Variants in CATSPERD observed in about 807,000 individuals in gnomAD.
CATSPERD encodes the protein cation channel sperm-associated auxiliary subunit delta.
CATSPERD carries 86 observed loss-of-function variants against 98.1 expected under a neutral mutation model. The observed-to-expected ratio is 0.88, with a 90% confidence interval of 0.74 to 1.05. The LOEUF is 1.05. Ranked by LOEUF, CATSPERD falls within the 50% of genes least tolerant of loss-of-function variation. The pLI is 0.00. For missense variants in CATSPERD, 995 were observed against 1,005.7 expected (o/e 0.99, Z 0.14); for synonymous variants, 394 against 390.2 (o/e 1.01, Z -0.12).
intron 16 of CATSPERD, among the ~76,000 whole-genome samples, chr19:5,763,993 C>G (rs1330731944): frequency 6.6e-6 from 1 of 151,392 alleles, no homozygotes; most frequent in Non-Finnish European, 1.5e-5. Context: ...GGATTACAAG[C>G]ATGTGCCACC....
At chr19:5,752,108 A>G (rs537681708) in intron 12 of CATSPERD, among the ~76,000 whole-genome samples, 81 of 152,274 alleles carry the variant, frequency 5.3e-4, no homozygotes, top group African/African-American at 1.8e-3. Context: ...CAGGAGTTCC[A>G]GACCAGCCTG....
Position 5,776,091 on chromosome 19 carries a change from A to G in CATSPERD, c.1942-70A>G, listed in dbSNP as rs370359250. On this transcript the variant is annotated intron_variant, in intron 20 of 21. Transcript: ENST00000381624. ...ACTGGGGTGGGTGCAGGGCCTCCGCAGGGAGGAGGGAGGCTCAGGGCCCCC... is the reference window on the plus strand; with the variant it reads ...ACTGGGGTGGGTGCAGGGCCTCCGCGGGGAGGAGGGAGGCTCAGGGCCCCC... The G allele has an allele frequency of 5.7e-5, 88 of 1,533,126 alleles. No homozygotes were observed. In the African/African-American group the frequency reaches 9.7e-4, roughly 17 times the overall value. The allele number at this position is 1,533,126 out of a possible 1,614,324, so 95.0% of individuals were successfully genotyped here.
chr19:5,759,060 T>C, intron 14 of CATSPERD, 26 bp from the exon 15 acceptor site: 1 of 1,611,072 alleles, frequency 6.2e-7, no homozygotes, highest in Non-Finnish European at 8.5e-7. Flanking sequence ...CGGATACACT[T>C]GGGATTTTCT....
chr19:5,749,334 A>G, intron 11 of CATSPERD, 151 bp downstream of exon 11: 1 of 440,332 alleles, frequency 2.3e-6, no homozygotes, highest in Admixed American at 4.9e-5. Context: ...TCTACTAAAA[A>G]TACAAAAATT....
chr19:5,750,374 C>A (rs554476041), intron 11 of CATSPERD, among the ~76,000 whole-genome samples: 1 of 138,150 alleles, frequency 7.2e-6, no homozygotes, highest in Non-Finnish European at 1.5e-5. Flanking sequence ...TGGCGTGAAT[C>A]CAGGAGGCGG....
intron 19 of CATSPERD, among the ~76,000 whole-genome samples, chr19:5,771,848 C>T (rs972026810): frequency 6.6e-6 from 1 of 152,088 alleles, no homozygotes; most frequent in African/African-American, 2.4e-5. Flanking sequence ...GGATAACAGG[C>T]GTGAGCCACC....
intron 20 of CATSPERD, among the ~76,000 whole-genome samples, chr19:5,774,218 G>A (rs199612540): frequency 6.6e-6 from 1 of 151,612 alleles, no homozygotes; most frequent in South Asian, 2.1e-4. Flanking sequence ...CGCCCGCCTC[G>A]GCCTCCCAAA....
intron 6 of CATSPERD, among the ~76,000 whole-genome samples, chr19:5,738,683 C>T (rs193244251): frequency 6.6e-6 from 1 of 152,242 alleles, no homozygotes; most frequent in East Asian, 1.9e-4. Context: ...TCCCAGGCTT[C>T]AGTGATTCCC....
At chr19:5,738,370 A>G (rs985657074) in intron 6 of CATSPERD, among the ~76,000 whole-genome samples, 9 of 145,834 alleles carry the variant, frequency 6.2e-5, no homozygotes, top group Admixed American at 6.9e-5. Context: ...AAAAAAAAAA[A>G]GAAAAGAAAA....
chr19:5,755,947 C>T (rs1291880106), intron 13 of CATSPERD, among the ~76,000 whole-genome samples: 1 of 152,032 alleles, frequency 6.6e-6, no homozygotes, highest in Admixed American at 6.6e-5. Context: ...TGCCATTGCA[C>T]TCCAGCCTGG....
At position 5,733,896 on chromosome 19, in the gene CATSPERD, C is replaced by T. The variant is rs757837954; in HGVS notation, c.317C>T (p.Ser106Leu). ...PEVTSAHFAG[S>L]LLLLVVDQKV... is the part of the protein sequence containing the mutation. ...GTGACATCAGCACATTTTGCTGGTT[C>T]GTTATTGCTGTTAGTAGTGGATCAA... The change falls in exon 5 of 22, where the codon TCG becomes TTG. Residue 106 changes from serine (S) to leucine (L), a missense_variant. Around this residue, in one of 3 missense-constraint regions of CATSPERD, gnomAD observed 228 missense variants for 209.6 expected, o/e 1.09. Transcript: ENST00000381624. 8 of 1,612,696 alleles carry T rather than the reference C, an allele frequency of 5.0e-6. No individual in the cohort carries two copies. Among genetic ancestry groups the T allele is most frequent in the Middle Eastern group, 1.7e-4 (1 of 6,058 alleles).
intron 9 of CATSPERD, among the ~76,000 whole-genome samples, chr19:5,746,413 C>T (rs563870033): frequency 1.3e-5 from 2 of 150,462 alleles, no homozygotes; most frequent in East Asian, 1.9e-4. Flanking sequence ...TTCCAGGAGG[C>T]TTCGTATTTA....
chr19:5,769,330 G>A (rs1006250098), intron 18 of CATSPERD, among the ~76,000 whole-genome samples: 14 of 151,562 alleles, frequency 9.2e-5, no homozygotes, highest in African/African-American at 1.9e-4. Context: ...TGGTGGGATG[G>A]GGGGAGGAGG....
intron 7 of CATSPERD, among the ~76,000 whole-genome samples, chr19:5,741,636 G>A (rs1304396408): frequency 6.6e-6 from 1 of 151,882 alleles, no homozygotes; most frequent in Non-Finnish European, 1.5e-5. Flanking sequence ...AACCATAGCA[G>A]GAAACTGACT....
Position 5,778,437 on chromosome 19 carries a change from G to T in CATSPERD, c.2158G>T (p.Val720Phe), listed in dbSNP as rs767921363. ...GTATGGAGCATTCCCCGTGCAGCTG[G>T]TCTCTGCTGGAGTCGTCATCCTACT... ...YVYGAFPVQL[V>F]SAGVVILLII... The change falls in exon 22 of 22, where the codon GTC becomes TTC. Residue 720 changes from valine (V) to phenylalanine (F), a missense_variant. Transcript: ENST00000381624. 1 of 1,613,828 alleles carries T rather than the reference G, an allele frequency of 6.2e-7. No individual in the cohort carries two copies. The highest frequency in any genetic ancestry group is 8.5e-7 in the Non-Finnish European group (1 of 1,180,026).
chr19:5,762,058 A>ATTTTTTTTTTT (rs869295948), intron 15 of CATSPERD, among the ~76,000 whole-genome samples: 8 of 10,434 alleles, frequency 7.7e-4, no homozygotes, highest in Non-Finnish European at 3.6e-4. Flanking sequence ...ATATATATAT[A>ATTTTTTTTTTT]TTTTTTTTTT....
intron 4 of CATSPERD, among the ~76,000 whole-genome samples, chr19:5,732,131 G>A (rs1295337934): frequency 4.0e-5 from 6 of 151,426 alleles, no homozygotes; most frequent in Non-Finnish European, 7.4e-5. Context: ...TAGCCACCAC[G>A]CCTGGCTAAT....
intron 7 of CATSPERD, among the ~76,000 whole-genome samples, chr19:5,739,998 C>T (rs113618750): frequency 1.1e-3 from 161 of 152,172 alleles, no homozygotes; most frequent in African/African-American, 3.8e-3. Flanking sequence ...AAGCTAGTGA[C>T]AGGCCAGGTG....
In CATSPERD at chr19:5,743,651, TCTCTCTCTCTCTCTTC is replaced by T. The variant is rs1368288660; in HGVS notation, c.574-745_574-730del. Among the ~76,000 whole-genome samples, 68 of 143,108 alleles carry T rather than the reference TCTCTCTCTCTCTCTTC, an allele frequency of 4.8e-4. 1 individual carries two copies. The highest frequency in any genetic ancestry group is 1.1e-3 in the African/African-American group (43 of 39,118). 93.9% of individuals were successfully genotyped at this position (143,108 alleles called of 152,430 possible). A position where few individuals can be genotyped will look rare whatever the true frequency, so the allele number is the denominator to read the frequency against. On this transcript the variant is annotated intron_variant, in intron 7 of 21. Transcript: ENST00000381624. ...CAGTCTTAGTCTCTCTGTCTCTGTC[TCTCTCTCTCTCTCTTC>T]CTCTCTCTCTCTCTTCCTCTCTCTC...
Sources: allele counts gnomAD v4.1 joint callset (sites outside exome capture counted in the v4.1 genomes callset), GRCh38; gene constraint gnomAD v4.1.1; regional missense constraint gnomAD v4.1.1; transcripts MANE v1.5; gene names NCBI Gene and HGNC (gene_info 2026-07-23, HGNC 2026-07-21).